RABGAP1L: variants seen among roughly 807,000 people sequenced by gnomAD.
RABGAP1L encodes the protein rab GTPase-activating protein 1-like.
In RABGAP1L, 63 loss-of-function variants were observed where a neutral mutation model predicts 137.7. The ratio of observed to expected loss-of-function variants is 0.46; its 90% CI spans 0.37 to 0.56. RABGAP1L has a LOEUF of 0.56. RABGAP1L is among the 20% of genes least tolerant of loss of function. The pLI is 0.00. For missense variants in RABGAP1L, 1,095 were observed against 1,244.0 expected, an observed-to-expected ratio of 0.88 and a Z score of 1.80; for synonymous variants, 431 against 433.7, an observed-to-expected ratio of 0.99 and a Z score of 0.08.
At chr1:174,745,999 G>C (rs572240018) in intron 17 of RABGAP1L, among the ~76,000 whole-genome samples, 1 of 152,182 alleles carries the variant, frequency 6.6e-6, no homozygotes, top group Non-Finnish European at 1.5e-5. Flanking sequence ...AGGTGCTGAT[G>C]CACACTTGGT....
At chr1:174,808,772 G>C (rs1397053961) in intron 18 of RABGAP1L, among the ~76,000 whole-genome samples, 1 of 151,796 alleles carries the variant, frequency 6.6e-6, no homozygotes, top group Non-Finnish European at 1.5e-5. Flanking sequence ...TCCTGCCTCA[G>C]CCTCCCAAGT....
intron 18 of RABGAP1L, among the ~76,000 whole-genome samples, chr1:174,794,729 G>A (rs1471275277): frequency 2.0e-5 from 3 of 152,136 alleles, no homozygotes; most frequent in African/African-American, 7.2e-5. Context: ...GGACAACAAA[G>A]ACATACCTAC....
intron 13 of RABGAP1L, among the ~76,000 whole-genome samples, chr1:174,590,123 C>CTTTTTTTTTTTTTTTTTTTTT (rs1166364912): frequency 1.7e-5 from 1 of 59,780 alleles, no homozygotes; most frequent in African/African-American, 6.4e-5. Flanking sequence ...TCTTCAGTTT[C>CTTTTTTTTTTTTTTTTTTTTT]TTTTTTTTTT....
chr1:174,663,795 T>C (rs1211532110), intron 14 of RABGAP1L, among the ~76,000 whole-genome samples: 3 of 152,224 alleles, frequency 2.0e-5, no homozygotes, highest in African/African-American at 7.2e-5. Context: ...GTGGAACAAG[T>C]TGATGCTCTG....
chr1:174,686,382 T>TG (rs1390927704), intron 15 of RABGAP1L, among the ~76,000 whole-genome samples: 1 of 152,212 alleles, frequency 6.6e-6, no homozygotes, highest in Non-Finnish European at 1.5e-5. Flanking sequence ...TTGATTTCTC[T>TG]ACATCTCACC....
rs74721342 is a variant in RABGAP1L, at chr1:174,714,981, G to C, written c.2169+12725G>C. On this transcript the variant is annotated intron_variant, in intron 17 of 25. Coordinates refer to ENST00000681986, the MANE Select transcript of RABGAP1L (RefSeq NM_001366446.1). ...CAAGCTATATATTAGCTTGGCATAG[G>C]AATTTAATTAGAGTGGAGCATAGCA... is the stretch of plus-strand genomic sequence containing the variant. 8.9e-3 allele frequency among the ~76,000 whole-genome samples: 1,354 copies of C among 152,216 alleles called. 22 individuals are homozygous for C. Among genetic ancestry groups the C allele is most frequent in the African/African-American group, 0.031 (1,299 of 41,528 alleles).
At chr1:174,938,305 A>G (rs150972555) in intron 19 of RABGAP1L, 1 of 152,376 alleles carries the variant, frequency 6.6e-6, no homozygotes, top group Non-Finnish European at 1.5e-5. Flanking sequence ...CCCTGTGGGT[A>G]GCTGACATCT....
intron 11 of RABGAP1L, among the ~76,000 whole-genome samples, chr1:174,329,655 A>G (rs1331560245): frequency 6.6e-6 from 1 of 152,174 alleles, no homozygotes; most frequent in Non-Finnish European, 1.5e-5. Context: ...CAACCCAGGA[A>G]TGTAAAGATG....
chr1:174,702,009 A>T, intron 16 of RABGAP1L, 104 bp from the exon 17 acceptor site: 2 of 1,042,612 alleles, frequency 1.9e-6, no homozygotes, highest in Non-Finnish European at 2.8e-6. Context: ...GAATAGAGTT[A>T]CAGCGATCAT....
At chr1:174,547,846 A>G (rs1281305366) in intron 13 of RABGAP1L, 1 of 1,529,182 alleles carries the variant, frequency 6.5e-7, no homozygotes, top group South Asian at 1.2e-5. Flanking sequence ...GCAACAGATG[A>G]AATTTAGTCT....
intron 19 of RABGAP1L, among the ~76,000 whole-genome samples, chr1:174,886,402 G>A (rs1201332886): frequency 6.6e-6 from 1 of 152,184 alleles, no homozygotes; most frequent in Non-Finnish European, 1.5e-5. Flanking sequence ...AGGACTTCAA[G>A]CTTATTTACA....
Position 174,521,647 on chromosome 1 carries a change from G to A in RABGAP1L, c.1711-115728G>A, listed in dbSNP as rs533518434. ...ATAAAATTTGGAAGCTGGAAGGCAG[G>A]TGGATGAGTGCTAACTAATTTAGAC... On this transcript the variant is annotated intron_variant, in intron 13 of 25. Transcript: ENST00000681986. 7.9e-5 allele frequency among the ~76,000 whole-genome samples: 12 copies of A among 152,322 alleles called. No homozygotes were observed. In the South Asian group the frequency reaches 2.1e-3, roughly 26 times the overall value.
At chr1:174,269,989 A>G (rs752251322) in intron 7 of RABGAP1L, among the ~76,000 whole-genome samples, 2 of 152,206 alleles carry the variant, frequency 1.3e-5, no homozygotes, top group Non-Finnish European at 2.9e-5. Flanking sequence ...CATTATTCCT[A>G]ATAGATCTTG....
At chr1:174,555,891 A>G (rs1666847891) in intron 13 of RABGAP1L, among the ~76,000 whole-genome samples, 2 of 151,692 alleles carry the variant, frequency 1.3e-5, no homozygotes, top group Admixed American at 1.3e-4. Context: ...ATCACAGTAG[A>G]TGAATGAATG....
chr1:174,557,435 TCTC>T (rs1422389967), intron 13 of RABGAP1L, among the ~76,000 whole-genome samples: 1 of 152,176 alleles, frequency 6.6e-6, no homozygotes, highest in African/African-American at 2.4e-5. Flanking sequence ...CAGAAATTCT[TCTC>T]CTTACTTCTG....
intron 18 of RABGAP1L, among the ~76,000 whole-genome samples, chr1:174,797,905 A>G (rs1688394922): frequency 6.6e-6 from 1 of 152,052 alleles, no homozygotes; most frequent in Admixed American, 6.6e-5. Context: ...TATGCTTATG[A>G]TCATTTTACA....
chr1:174,644,251 A>G (rs72715273), intron 14 of RABGAP1L, among the ~76,000 whole-genome samples: 32,063 of 151,840 alleles, frequency 0.21, 3,733 homozygotes, highest in Admixed American at 0.25. Context: ...CAGAGTGCCT[A>G]AAGAGATTTT....
At chr1:174,889,540 C>A (rs1031965398) in intron 19 of RABGAP1L, among the ~76,000 whole-genome samples, 2 of 152,142 alleles carry the variant, frequency 1.3e-5, no homozygotes, top group African/African-American at 4.8e-5. Flanking sequence ...CCTGCTTCAA[C>A]CTCTCAAGTA....
At chr1:174,206,943 G>A (rs1668545312) in intron 1 of RABGAP1L, among the ~76,000 whole-genome samples, 1 of 152,046 alleles carries the variant, frequency 6.6e-6, no homozygotes, top group Admixed American at 6.5e-5. Context: ...TAGGTATGGG[G>A]GAGAAGTGTG....
Sources: allele counts gnomAD v4.1 joint callset (sites outside exome capture counted in the v4.1 genomes callset), GRCh38; gene constraint gnomAD v4.1.1; transcripts MANE v1.5; gene names NCBI Gene and HGNC (gene_info 2026-07-23, HGNC 2026-07-21).